PLEKHA5: variants seen among roughly 807,000 people sequenced by gnomAD.
PLEKHA5 encodes pleckstrin homology domain containing A5.
A neutral mutation model predicts 181.9 loss-of-function variants in PLEKHA5; 55 were observed. The observed-to-expected ratio is 0.30, with a 90% CI of 0.24 to 0.38. The LOEUF is 0.38. Ranked by LOEUF, PLEKHA5 falls within the 10% of genes least tolerant of loss-of-function variation. PLEKHA5 has a pLI of 1.00. For missense variants in PLEKHA5, 1,432 were observed against 1,549.5 expected, an observed-to-expected ratio of 0.92 and a Z score of 1.27; for synonymous variants, 535 against 529.4, an observed-to-expected ratio of 1.01 and a Z score of -0.15.
At chr12:19,256,062 T>A (rs1341727949) in intron 5 of PLEKHA5, among the ~76,000 whole-genome samples, 2 of 152,038 alleles carry the variant, frequency 1.3e-5, no homozygotes, top group Non-Finnish European at 2.9e-5. Context: ...AAAGAAGTGC[T>A]GTGAATCAAT....
intron 23 of PLEKHA5, among the ~76,000 whole-genome samples, chr12:19,346,507 G>T (rs187124628): frequency 3.3e-5 from 5 of 151,956 alleles, no homozygotes; most frequent in African/African-American, 1.2e-4. Flanking sequence ...CGGGCATGGT[G>T]TGCCTGTGGT....
intron 20 of PLEKHA5, among the ~76,000 whole-genome samples, chr12:19,326,758 C>G (rs1460613321): frequency 6.6e-6 from 1 of 152,158 alleles, no homozygotes; most frequent in African/African-American, 2.4e-5. Flanking sequence ...TTCACTGTTA[C>G]CATCTTTATG....
intron 15 of PLEKHA5, among the ~76,000 whole-genome samples, chr12:19,297,746 A>C (rs1049969961): frequency 7.8e-6 from 1 of 128,872 alleles, no homozygotes; most frequent in Non-Finnish European, 1.7e-5. Context: ...TTTACCAGTA[A>C]ATTATTATTT....
chr12:19,302,692 C>T (rs2081887380), intron 15 of PLEKHA5, among the ~76,000 whole-genome samples: 2 of 152,062 alleles, frequency 1.3e-5, no homozygotes, highest in African/African-American at 4.8e-5. Flanking sequence ...CCACCACCCC[C>T]AGCCTACTGG....
intron 20 of PLEKHA5, among the ~76,000 whole-genome samples, chr12:19,323,339 A>G (rs1208655174): frequency 2.0e-5 from 3 of 152,226 alleles, no homozygotes; most frequent in African/African-American, 7.2e-5. Context: ...CCTGACCAGC[A>G]TGGTGAAAAC....
chr12:19,243,972 T>C (rs1161300103), intron 3 of PLEKHA5, among the ~76,000 whole-genome samples: 1 of 152,220 alleles, frequency 6.6e-6, no homozygotes, highest in Non-Finnish European at 1.5e-5. Flanking sequence ...ACTGTCTTTG[T>C]GGCAGCCAGA....
intron 18 of PLEKHA5, among the ~76,000 whole-genome samples, chr12:19,321,197 A>G (rs529352595): frequency 1.3e-5 from 2 of 151,648 alleles, no homozygotes; most frequent in East Asian, 3.9e-4. Context: ...AAGACTAGAG[A>G]CTGGAGACGA....
At chr12:19,159,710 A>G (rs1166817799) in intron 3 of PLEKHA5, among the ~76,000 whole-genome samples, 1 of 152,158 alleles carries the variant, frequency 6.6e-6, no homozygotes, top group African/African-American at 2.4e-5. Context: ...TTTATGCTAT[A>G]CAAATTAGCA....
intron 3 of PLEKHA5, among the ~76,000 whole-genome samples, chr12:19,242,971 G>A (rs1038141200): frequency 3.3e-5 from 5 of 152,210 alleles, no homozygotes; most frequent in Admixed American, 3.3e-4. Flanking sequence ...TTCCAAGGAT[G>A]AGAGGCATTG....
rs56041821 is a variant in PLEKHA5 at position 19,328,558 on chromosome 12, AGTGTGTGTGT to A, written c.2448+5922_2448+5931del. Among the ~76,000 whole-genome samples, 405 of 141,782 alleles carry A rather than the reference AGTGTGTGTGT, an allele frequency of 2.9e-3. 1 individual carries two copies. Among genetic ancestry groups the A allele is most frequent in the Middle Eastern group, 0.014 (4 of 280 alleles). The allele number at this position is 141,782 out of a possible 152,430, so 93.0% of individuals were successfully genotyped here. ...CTCCTTGGTTAGATGCTTTCCTAGGAGTGTGTGTGTGTGTGTGTGTGTGTGTGTGTGTGTG... is the reference window on the plus strand; with the variant it reads ...CTCCTTGGTTAGATGCTTTCCTAGGAGTGTGTGTGTGTGTGTGTGTGTGTG... On this transcript the variant is annotated intron_variant, in intron 20 of 31. Coordinates refer to ENST00000429027, the MANE Select transcript of PLEKHA5 (RefSeq NM_001256470.2).
intron 3 of PLEKHA5, among the ~76,000 whole-genome samples, chr12:19,195,378 A>T (rs931652361): frequency 5.1e-4 from 20 of 39,522 alleles, no homozygotes; most frequent in Non-Finnish European, 2.5e-3. Context: ...GCACAAAAGG[A>T]TATAAAGTAC....
intron 15 of PLEKHA5, among the ~76,000 whole-genome samples, chr12:19,300,341 A>G (rs2081128937): frequency 6.6e-6 from 1 of 152,226 alleles, no homozygotes; most frequent in Non-Finnish European, 1.5e-5. Context: ...TGGCTCTAAC[A>G]AGACAGCAAA....
intron 13 of PLEKHA5, among the ~76,000 whole-genome samples, chr12:19,289,126 A>G (rs768233459): frequency 2.6e-5 from 4 of 152,196 alleles, no homozygotes; most frequent in Non-Finnish European, 4.4e-5. Context: ...GTCACGAGAT[A>G]GGATTGGCAT....
At position 19,197,241 on chromosome 12, in the gene PLEKHA5, C is replaced by G. The variant is rs115458788; in HGVS notation, c.228-56699C>G. ...TGCTGCTTTCATGACCATTCCTTTT[C>G]TGGCCCTTTTCTCACTGCTGCAATC... On this transcript the variant is annotated intron_variant, in intron 3 of 31. Transcript: ENST00000429027. 7.8e-3 allele frequency among the ~76,000 whole-genome samples: 1,192 copies of G among 152,284 alleles called. 18 individuals are homozygous for G. The highest frequency in any genetic ancestry group is 0.027 in the African/African-American group (1,134 of 41,564).
chr12:19,297,227 CTCT>C (rs972356238), intron 15 of PLEKHA5, among the ~76,000 whole-genome samples: 34 of 152,070 alleles, frequency 2.2e-4, no homozygotes, highest in African/African-American at 8.0e-4. Context: ...AGTAACCAGC[CTCT>C]TCTTTTAACA....
chr12:19,139,748 A>G (rs902953843), intron 3 of PLEKHA5, among the ~76,000 whole-genome samples: 7 of 152,216 alleles, frequency 4.6e-5, no homozygotes, highest in Non-Finnish European at 8.8e-5. Context: ...TGGGAGAGGC[A>G]TTTCTCACAG....
chr12:19,171,502 T>C (rs2045879241), intron 3 of PLEKHA5, among the ~76,000 whole-genome samples: 2 of 152,142 alleles, frequency 1.3e-5, no homozygotes, highest in African/African-American at 4.8e-5. Flanking sequence ...GGAGTTTTGC[T>C]TTGTTGCCCA....
chr12:19,186,351 T>TA (rs1367691278), intron 3 of PLEKHA5, among the ~76,000 whole-genome samples: 2 of 152,156 alleles, frequency 1.3e-5, no homozygotes, highest in East Asian at 3.9e-4. Context: ...AGTCAGATAA[T>TA]AGTTCTAAGT....
intron 16 of PLEKHA5, among the ~76,000 whole-genome samples, chr12:19,318,686 G>A (rs2089831439): frequency 1.3e-5 from 2 of 152,288 alleles, no homozygotes; most frequent in East Asian, 1.9e-4. Context: ...ACTTTGGGAG[G>A]CCAAGATGGG....
Sources: allele counts gnomAD v4.1 joint callset (sites outside exome capture counted in the v4.1 genomes callset), GRCh38; gene constraint gnomAD v4.1.1; transcripts MANE v1.5; gene names NCBI Gene and HGNC (gene_info 2026-07-23, HGNC 2026-07-21).